The following RBPJ variants were observed in gnomAD, a reference collection of about 807,000 sequenced individuals.
RBPJ encodes the protein recombining binding protein suppressor of hairless.
Under a neutral mutation model 67.8 loss-of-function variants are expected in RBPJ, and 9 were observed. The observed-to-expected ratio is 0.13, with a 90% CI of 0.08 to 0.23. RBPJ has a LOEUF of 0.23. Ranked by LOEUF, RBPJ falls within the 10% of genes least tolerant of loss-of-function variation. The probability of loss-of-function intolerance (pLI) is 1.00; values close to 1 mark genes in which losing one functional copy is unlikely to be tolerated. For missense variants in RBPJ, 305 were observed against 595.6 expected (o/e 0.51, Z 5.08); for synonymous variants, 198 against 203.3 (o/e 0.97, Z 0.22).
intron 1 of RBPJ, among the ~76,000 whole-genome samples, chr4:26,285,104 C>T (rs1002928385): frequency 6.6e-6 from 1 of 152,154 alleles, no homozygotes; most frequent in Non-Finnish European, 1.5e-5. Flanking sequence ...ATCCGCCCAC[C>T]TCGGCCTCCC....
Position 26,420,640 on chromosome 4 carries a change from T to C in RBPJ, c.411T>C (p.Ser137=), listed in dbSNP as rs1424283567. ...MLSVKMFYGN[S]DDIGVFLSKR... Reference sequence around the variant, plus strand: ...CTGTAAAGATGTTCTATGGCAACAGTGATGACATTGGTGTGTTCCTCAGCA... The same window carrying C: ...CTGTAAAGATGTTCTATGGCAACAGCGATGACATTGGTGTGTTCCTCAGCA... Residue 137 remains serine (S), a synonymous_variant, in exon 5 of 11, where the codon AGT becomes AGC. Transcript: ENST00000355476. 3 of 1,613,840 alleles carry C rather than the reference T, an allele frequency of 1.9e-6. No individual in the cohort carries two copies. The highest frequency in any genetic ancestry group is 1.7e-6 in the Non-Finnish European group (2 of 1,179,846).
chr4:26,335,030 G>C (rs1488298165), intron 1 of RBPJ, among the ~76,000 whole-genome samples: 1 of 152,054 alleles, frequency 6.6e-6, no homozygotes, highest in Non-Finnish European at 1.5e-5. Context: ...AAAACAACTT[G>C]TTCTTTTTAC....
intron 1 of RBPJ, among the ~76,000 whole-genome samples, chr4:26,170,405 G>A (rs1716527008): frequency 1.3e-5 from 2 of 152,152 alleles, no homozygotes; most frequent in African/African-American, 2.4e-5. Context: ...GCTGGGTATT[G>A]TGGTGCATGC....
At chr4:26,134,583 C>T in the RBPJ span, among the ~76,000 whole-genome samples, 1 of 152,218 alleles carries the variant, frequency 6.6e-6, no homozygotes, top group Admixed American at 6.5e-5. Flanking sequence ...CATGGGTGCT[C>T]CCTGCAAATG....
At chr4:26,291,007 T>A (rs1022239351) in intron 1 of RBPJ, among the ~76,000 whole-genome samples, 1 of 151,078 alleles carries the variant, frequency 6.6e-6, no homozygotes, top group Non-Finnish European at 1.5e-5. Context: ...TTACTGGCTG[T>A]GAGCAAATAG....
intron 1 of RBPJ, among the ~76,000 whole-genome samples, chr4:26,358,935 T>TA: frequency 6.6e-6 from 1 of 152,222 alleles, no homozygotes; most frequent in African/African-American, 2.4e-5. Flanking sequence ...CCACTGTTTT[T>TA]ATCCCAGTTT....
At chr4:26,406,316 A>C in intron 3 of RBPJ, 46 bp downstream of exon 3, 1 of 1,230,686 alleles carries the variant, frequency 8.1e-7, no homozygotes, top group South Asian at 1.2e-5. Flanking sequence ...TTACCACATG[A>C]ATTTGCCAAT....
At chr4:26,276,342 A>G (rs769868762) in intron 1 of RBPJ, among the ~76,000 whole-genome samples, 10 of 152,178 alleles carry the variant, frequency 6.6e-5, no homozygotes, top group Non-Finnish European at 1.0e-4. Context: ...TTAAGTTTCT[A>G]CTTTTAAGGT....
intron 1 of RBPJ, among the ~76,000 whole-genome samples, chr4:26,214,545 GAGGGAGGGAA>G (rs1366125547): frequency 9.4e-6 from 1 of 106,130 alleles, no homozygotes; most frequent in Non-Finnish European, 2.0e-5. Context: ...GGGAGGGAGG[GAGGGAGGGAA>G]AAGAGAGAGA....
chr4:26,332,547 T>G (rs1444780472), intron 1 of RBPJ, among the ~76,000 whole-genome samples: 2 of 152,224 alleles, frequency 1.3e-5, no homozygotes, highest in Non-Finnish European at 2.9e-5. Flanking sequence ...CATCTTGATA[T>G]GGAAATTTTT....
intron 2 of RBPJ, among the ~76,000 whole-genome samples, chr4:26,396,427 C>T (rs1442006986): frequency 6.6e-6 from 1 of 152,208 alleles, no homozygotes; most frequent in East Asian, 1.9e-4. Flanking sequence ...AAGTTTGCAT[C>T]AACCAGGATT....
the RBPJ span, among the ~76,000 whole-genome samples, chr4:26,106,189 G>A: frequency 2.0e-5 from 3 of 152,176 alleles, no homozygotes; most frequent in South Asian, 2.1e-4. Context: ...ATCCCTTCCC[G>A]CCTTTTTGTG....
At chr4:26,143,609 A>G in the RBPJ span, among the ~76,000 whole-genome samples, 1 of 152,228 alleles carries the variant, frequency 6.6e-6, no homozygotes, top group Non-Finnish European at 1.5e-5. Context: ...GTGGTTTGTT[A>G]CACAGCAATA....
At chr4:26,428,666 G>C in intron 7 of RBPJ, 54 bp from the exon 8 acceptor site, 2 of 1,439,850 alleles carry the variant, frequency 1.4e-6, no homozygotes, top group African/African-American at 1.4e-5. Context: ...TTTTACACAA[G>C]GAAAATCCTT....
the RBPJ span, among the ~76,000 whole-genome samples, chr4:26,126,604 G>T: frequency 1.3e-5 from 2 of 152,236 alleles, no homozygotes; most frequent in Non-Finnish European, 2.9e-5. Flanking sequence ...CTAATGCCCT[G>T]CTCATTTTCC....
At position 26,420,818 on chromosome 4, in the gene RBPJ, A is replaced by G. The variant is rs73810910; in HGVS notation, c.496+93A>G. On this transcript the variant is annotated intron_variant, in intron 5 of 10. Transcript: ENST00000355476. ...TTAAAAATTGCCTTTTCAATAGCCA[A>G]TTAATTCTTTACTAATATTTTTGTG... The G allele has an allele frequency of 1.2e-3, 1,209 of 993,786 alleles. 14 individuals carry two copies. In the African/African-American group the frequency reaches 0.018, roughly 15 times the overall value. The allele number at this position is 993,786 out of a possible 1,614,324, so 61.6% of individuals were successfully genotyped here.
In RBPJ at chr4:26,274,250, G is replaced by A. The variant is rs543606960; in HGVS notation, c.-166-88196G>A. 2.0e-5 allele frequency among the ~76,000 whole-genome samples: 3 copies of A among 152,274 alleles called. 1 individual carries two copies. The highest frequency in any genetic ancestry group is 4.1e-4 in the South Asian group (2 of 4,820). On this transcript the variant is annotated intron_variant, in intron 1 of 4. Coordinates refer to the RBPJ transcript ENST00000512351. ...AGTGCCACATACATAGTAGGCGCTC[G>A]ATAAGTATTTGTTAAATAATGAATG...
intron 1 of RBPJ, among the ~76,000 whole-genome samples, chr4:26,301,706 T>C (rs951159437): frequency 2.6e-5 from 4 of 152,202 alleles, no homozygotes; most frequent in African/African-American, 9.7e-5. Flanking sequence ...TTTTGCAATT[T>C]GTCACATTTT....
At chr4:26,178,741 G>A (rs1258612539) in intron 1 of RBPJ, among the ~76,000 whole-genome samples, 2 of 151,344 alleles carry the variant, frequency 1.3e-5, no homozygotes, top group African/African-American at 2.4e-5. Flanking sequence ...TAATTCCACC[G>A]AGAACGGGAT....
Sources: gnomAD v4.1 joint callset for allele counts (sites outside exome capture counted in the v4.1 genomes callset) on GRCh38, gnomAD v4.1.1 for gene constraint, MANE v1.5 for transcripts, NCBI Gene and HGNC (gene_info 2026-07-23, HGNC 2026-07-21) for gene names.